The following CEP43 variants were observed in gnomAD, a reference collection of about 807,000 sequenced individuals.
CEP43 encodes the protein centrosomal protein 43.
CEP43 carries 36 observed loss-of-function variants against 52.6 expected under a neutral mutation model. The ratio of observed to expected loss-of-function variants is 0.68; its 90% CI spans 0.52 to 0.90. The LOEUF is 0.90. Ranked by LOEUF, CEP43 falls within the 40% of genes least tolerant of loss-of-function variation. CEP43 has a pLI of 0.00. For missense variants in CEP43, 506 were observed against 472.8 expected, an observed-to-expected ratio of 1.07 and a Z score of -0.65; for synonymous variants, 192 against 172.4, an observed-to-expected ratio of 1.11 and a Z score of -0.89.
intron 12 of CEP43, chr6:167,036,078 A>G (rs80044559): frequency 0.027 from 26,246 of 985,090 alleles, 403 homozygotes; most frequent in Non-Finnish European, 0.03. Flanking sequence ...AAATTTATGC[A>G]GGATCAGAGA....
intron 7 of CEP43, among the ~76,000 whole-genome samples, chr6:167,018,648 C>G (rs796730550): frequency 5.3e-5 from 8 of 152,252 alleles, no homozygotes; most frequent in African/African-American, 1.9e-4. Context: ...CCTCGGCCTC[C>G]CAAAGTGCTG....
intron 5 of CEP43, among the ~76,000 whole-genome samples, chr6:167,005,676 G>A (rs7454301): frequency 6.6e-6 from 1 of 152,140 alleles, no homozygotes; most frequent in East Asian, 1.9e-4. Context: ...TCAATATCCA[G>A]CAAGCTTTTA....
intron 2 of CEP43, among the ~76,000 whole-genome samples, chr6:167,001,123 C>T (rs1169177765): frequency 6.6e-6 from 1 of 152,188 alleles, no homozygotes; most frequent in African/African-American, 2.4e-5. Context: ...CCATTAGATC[C>T]TAACTTTATG....
chr6:167,004,083 G>A (rs1779797965), intron 4 of CEP43, 181 bp from the exon 5 acceptor site: 3 of 651,350 alleles, frequency 4.6e-6, no homozygotes, highest in East Asian at 2.8e-5. Flanking sequence ...TAATGGAAAC[G>A]TTGAAGGTAG....
rs191298158 is a variant in CEP43, at chr6:167,010,081, A to C, written c.439-732A>C. Among the ~76,000 whole-genome samples the C allele has an allele frequency of 7.9e-5, 12 of 152,356 alleles. No homozygotes were observed. The East Asian group carries it at 2.1e-3, about 27-fold the overall frequency. The stretch of plus-strand genomic sequence containing the variant: ...GAACAGCACATTTTCGTATTTAAAA[A>C]GTTACAGTCAGTCATAAAGGGATTT... On this transcript the variant is annotated intron_variant, in intron 5 of 12. Coordinates refer to ENST00000366847, the MANE Select transcript of CEP43 (RefSeq NM_007045.4).
chr6:167,033,278 T>G (rs1201965393), intron 11 of CEP43, among the ~76,000 whole-genome samples: 2 of 151,834 alleles, frequency 1.3e-5, no homozygotes, highest in African/African-American at 4.8e-5. Context: ...GCCTGGCTAA[T>G]TTTTGTATTT....
intron 9 of CEP43, among the ~76,000 whole-genome samples, chr6:167,025,909 GA>G (rs1338889893): frequency 6.6e-6 from 1 of 152,124 alleles, no homozygotes; most frequent in African/African-American, 2.4e-5. Flanking sequence ...TTGCACTGAA[GA>G]AAAATTTAGA....
At chr6:167,017,059 G>C (rs970754349) in intron 7 of CEP43, among the ~76,000 whole-genome samples, 8 of 150,558 alleles carry the variant, frequency 5.3e-5, no homozygotes, top group African/African-American at 2.0e-4. Context: ...GCAGTGGCAC[G>C]ATCTCGGCTC....
intron 5 of CEP43, among the ~76,000 whole-genome samples, chr6:167,006,384 G>A (rs1779854714): frequency 6.6e-6 from 1 of 152,070 alleles, no homozygotes; most frequent in Non-Finnish European, 1.5e-5. Flanking sequence ...GCGCGGTGGT[G>A]TGTGCCTGTA....
Position 167,040,249 on chromosome 6 carries a change from A to G in CEP43, c.*271A>G, listed in dbSNP as rs1397806635. On this transcript the variant is annotated 3_prime_UTR_variant, in exon 13 of 13. Coordinates refer to ENST00000366847, the MANE Select transcript of CEP43 (RefSeq NM_007045.4). Reference sequence around the variant, plus strand: ...TCTACACTCAGTTTCATTACAGGGAAGGAACCCATGAAAACATCAGTGTTA... The same window carrying G: ...TCTACACTCAGTTTCATTACAGGGAGGGAACCCATGAAAACATCAGTGTTA... 2 of 1,508,506 alleles carry G rather than the reference A, an allele frequency of 1.3e-6. No individual in the cohort carries two copies. The highest frequency in any genetic ancestry group is 2.8e-5 in the African/African-American group (2 of 71,634). 93.4% of individuals were successfully genotyped at this position (1,508,506 alleles called of 1,614,324 possible).
At position 167,049,824 on chromosome 6, in the gene CEP43, T is replaced by C. The variant is rs1362256408; in HGVS notation, c.*9846T>C. 1 of 152,240 alleles carries C rather than the reference T, an allele frequency of 6.6e-6. No homozygotes were observed. The highest frequency in any genetic ancestry group is 1.9e-4 in the East Asian group (1 of 5,200). The allele number at this position is 152,240 out of a possible 1,614,324, so 9.4% of individuals were successfully genotyped here. A position where few individuals can be genotyped will look rare whatever the true frequency, so the allele number is the denominator to read the frequency against. The stretch of plus-strand genomic sequence containing the variant: ...AAGCAGCTGCACCATTTTATATCCC[T>C]ACCAGCAATGCATGAAGCTTCCAGT... On this transcript the variant is annotated 3_prime_UTR_variant, in exon 13 of 13. Coordinates refer to ENST00000366847, the MANE Select transcript of CEP43 (RefSeq NM_007045.4).
intron 10 of CEP43, 29 bp downstream of exon 10, chr6:167,026,644 T>C (rs779295438): frequency 2.2e-6 from 3 of 1,372,626 alleles, no homozygotes; most frequent in East Asian, 2.3e-5. Flanking sequence ...TTTGTGCTGA[T>C]CGTTTTAAAG....
chr6:167,031,852 T>G (rs1458672805), intron 10 of CEP43, among the ~76,000 whole-genome samples: 1 of 152,228 alleles, frequency 6.6e-6, no homozygotes, highest in Non-Finnish European at 1.5e-5. Context: ...TTGTCCTTTA[T>G]AGCCTTAAGT....
chr6:167,009,649 G>C (rs926751951), intron 5 of CEP43, among the ~76,000 whole-genome samples: 3 of 127,606 alleles, frequency 2.4e-5, no homozygotes, highest in Admixed American at 8.7e-5. Context: ...TGGACAACAA[G>C]AATGAAACTC....
chr6:167,019,171 T>C (rs1780168088), intron 7 of CEP43, among the ~76,000 whole-genome samples: 1 of 152,248 alleles, frequency 6.6e-6, no homozygotes, highest in Non-Finnish European at 1.5e-5. Context: ...TTTTCCACTT[T>C]GTGATATTTT....
Position 167,052,249 on chromosome 6 carries a change from C to G in CEP43, c.*12271C>G, listed in dbSNP as rs1470492993. On this transcript the variant is annotated 3_prime_UTR_variant, in exon 13 of 13. Coordinates refer to ENST00000366847, the MANE Select transcript of CEP43 (RefSeq NM_007045.4). ...TTTTGTGCTATTATTGTTATACTTA[C>G]TACCTCTGTATATGTTACAAGCCCA... 1 of 152,114 alleles carries G rather than the reference C, an allele frequency of 6.6e-6. No individual in the cohort carries two copies. Among genetic ancestry groups the G allele is most frequent in the Non-Finnish European group, 1.5e-5 (1 of 68,030 alleles). 9.4% of individuals were successfully genotyped at this position (152,114 alleles called of 1,614,324 possible).
rs563460451 is a variant in CEP43 at position 167,033,727 on chromosome 6, A to T, written c.1029-148A>T. ...CCCTTGCTACATTATTTTAAGGGTC[A>T]AGCAAGACAATATGTATGAAATTAA... On this transcript the variant is annotated intron_variant, in intron 11 of 12. Transcript: ENST00000366847. 6 of 431,372 alleles carry T rather than the reference A, an allele frequency of 1.4e-5. No homozygotes were observed. The East Asian group carries it at 2.1e-4, about 15-fold the overall frequency. The allele number at this position is 431,372 out of a possible 1,614,324, so 26.7% of individuals were successfully genotyped here.
rs1457249845 is a variant in CEP43, at chr6:167,043,326, G to A, written c.*3348G>A. On this transcript the variant is annotated 3_prime_UTR_variant, in exon 13 of 13. Transcript: ENST00000366847. ...ATCAGTTCTCTGTCCATGGGTGCTA[G>A]TCTCACCCCTGCCCTCCGAGCAGTC... 6.6e-6 allele frequency: 1 copy of A among 150,978 alleles called. No individual in the cohort carries two copies. Among genetic ancestry groups the A allele is most frequent in the African/African-American group, 2.4e-5 (1 of 41,002 alleles). The allele number at this position is 150,978 out of a possible 1,614,324, so 9.4% of individuals were successfully genotyped here.
At chr6:167,013,460 T>TA (rs778306939) in intron 6 of CEP43, 48 bp from the exon 7 acceptor site, 15 of 1,487,712 alleles carry the variant, frequency 1.0e-5, no homozygotes, top group Non-Finnish European at 1.4e-5. Flanking sequence ...GTTTATTTTT[T>TA]AAAGATTTCT....
Sources: gnomAD v4.1 joint callset for allele counts (sites outside exome capture counted in the v4.1 genomes callset) on GRCh38, gnomAD v4.1.1 for gene constraint, MANE v1.5 for transcripts, NCBI Gene and HGNC (gene_info 2026-07-23, HGNC 2026-07-21) for gene names.